Variants in GRXCR2 observed in about 807,000 individuals in gnomAD.
GRXCR2 encodes the protein glutaredoxin and cysteine rich domain containing 2.
A neutral mutation model predicts 24.8 loss-of-function variants in GRXCR2; 23 were observed. The observed-to-expected ratio is 0.93, with a 90% CI of 0.67 to 1.32. The LOEUF (loss-of-function observed/expected upper bound fraction) is 1.32. Among genes scored for constraint, GRXCR2 ranks in the 40% most tolerant of loss-of-function variants. The probability of loss-of-function intolerance (pLI) is 0.00; values close to 1 mark genes in which losing one functional copy is unlikely to be tolerated. For synonymous variants in GRXCR2, 130 were observed against 116.1 expected (o/e 1.12, Z -0.77); for missense variants, 315 against 303.4 (o/e 1.04, Z -0.28).
At chr5:145,921,733 A>G (rs2149928885) in intron 2 of GRXCR2, among the ~76,000 whole-genome samples, 1 of 152,306 alleles carries the variant, frequency 6.6e-6, no homozygotes, top group African/African-American at 2.4e-5. Flanking sequence ...TTTACCAGGA[A>G]CCTTCCAAAT....
chr5:145,864,300 A>G (rs930117359), intron 2 of GRXCR2, among the ~76,000 whole-genome samples: 1 of 152,156 alleles, frequency 6.6e-6, no homozygotes, highest in South Asian at 2.1e-4. Flanking sequence ...TCTGGGGCCA[A>G]GAGCATGAGA....
intron 2 of GRXCR2, among the ~76,000 whole-genome samples, chr5:145,887,405 G>A (rs1188527536): frequency 3.9e-5 from 6 of 152,330 alleles, no homozygotes; most frequent in East Asian, 1.9e-4. Flanking sequence ...GCTAGTCAAA[G>A]GTTCTTGATG....
chr5:145,876,660 T>C (rs879458223), upstream of GRXCR2, among the ~76,000 whole-genome samples: 10 of 152,144 alleles, frequency 6.6e-5, no homozygotes, highest in African/African-American at 9.7e-5. Flanking sequence ...AGGTGAGTTT[T>C]CCAAGTAACA....
In GRXCR2 at chr5:145,926,635, G is replaced by C. The variant is rs375732086; in HGVS notation, c.-70+9066C>G. 3.9e-5 allele frequency among the ~76,000 whole-genome samples: 6 copies of C among 152,272 alleles called. No homozygotes were observed. In the East Asian group the frequency reaches 1.2e-3, roughly 29 times the overall value. ...ATGCTGTTTTGGTTACTGTAGCCTTGTAGTATAGTTTGAAGTCAGGTAGTG... is the reference window on the plus strand; with the variant it reads ...ATGCTGTTTTGGTTACTGTAGCCTTCTAGTATAGTTTGAAGTCAGGTAGTG... On this transcript the variant is annotated intron_variant, in intron 2 of 3. Transcript: ENST00000639411.
chr5:145,897,629 C>T (rs1485142296), intron 2 of GRXCR2, among the ~76,000 whole-genome samples: 1 of 151,994 alleles, frequency 6.6e-6, no homozygotes. Flanking sequence ...ACACTCAGAC[C>T]ACAGTGGAAT....
chr5:145,869,003 G>T (rs1471078594), intron 1 of GRXCR2, among the ~76,000 whole-genome samples: 2 of 152,234 alleles, frequency 1.3e-5, no homozygotes, highest in African/African-American at 4.8e-5. Flanking sequence ...CTAGTGCACA[G>T]AATGGCAACC....
At chr5:145,913,926 A>G (rs1482115619) in intron 2 of GRXCR2, among the ~76,000 whole-genome samples, 1 of 152,256 alleles carries the variant, frequency 6.6e-6, no homozygotes, top group Non-Finnish European at 1.5e-5. Context: ...TCTATGTGTC[A>G]AACGCTATGA....
chr5:145,866,854 A>G (rs887955648), intron 1 of GRXCR2, 126 bp from the exon 2 acceptor site: 1 of 640,296 alleles, frequency 1.6e-6, no homozygotes, highest in Non-Finnish European at 2.8e-6. Context: ...TTTTGATCCC[A>G]TCAGACCCCA....
intron 2 of GRXCR2, among the ~76,000 whole-genome samples, chr5:145,885,333 C>T (rs906492381): frequency 6.6e-6 from 1 of 152,182 alleles, no homozygotes; most frequent in African/African-American, 2.4e-5. Flanking sequence ...GGCAACGTTT[C>T]AAGAGACTAT....
At chr5:145,907,619 G>A (rs141709555) in intron 2 of GRXCR2, among the ~76,000 whole-genome samples, 1 of 152,134 alleles carries the variant, frequency 6.6e-6, no homozygotes. Flanking sequence ...CAAGAGAGAG[G>A]GTGGTGACTC....
At chr5:145,921,726 A>G (rs1421507924) in intron 2 of GRXCR2, among the ~76,000 whole-genome samples, 4 of 152,224 alleles carry the variant, frequency 2.6e-5, no homozygotes, top group East Asian at 1.9e-4. Flanking sequence ...CTTGGGATTT[A>G]CCAGGAACCT....
chr5:145,881,759 A>C (rs1469339311), intron 2 of GRXCR2, among the ~76,000 whole-genome samples: 1 of 152,260 alleles, frequency 6.6e-6, no homozygotes, highest in Non-Finnish European at 1.5e-5. Flanking sequence ...ATGCTACCTG[A>C]CTTCAAACTA....
chr5:145,876,042 C>T (rs1316026769), upstream of GRXCR2, among the ~76,000 whole-genome samples: 1 of 151,474 alleles, frequency 6.6e-6, no homozygotes, highest in African/African-American at 2.4e-5. Context: ...TGGTGCTTGT[C>T]TGTAGTCCCA....
chr5:145,889,973 A>G (rs964533503), intron 2 of GRXCR2, among the ~76,000 whole-genome samples: 31 of 152,274 alleles, frequency 2.0e-4, no homozygotes, highest in Non-Finnish European at 5.9e-5. Flanking sequence ...GTTTCAAAAT[A>G]CAATTGAAAG....
At chr5:145,858,277 G>A (rs1756272367), downstream of GRXCR2, among the ~76,000 whole-genome samples, 1 of 142,164 alleles carries the variant, frequency 7.0e-6, no homozygotes, top group Admixed American at 7.7e-5. Context: ...TTGCACCACT[G>A]CACTCCAGCC....
intron 2 of GRXCR2, among the ~76,000 whole-genome samples, chr5:145,888,535 G>T (rs1756808183): frequency 6.6e-6 from 1 of 151,938 alleles, no homozygotes; most frequent in Admixed American, 6.6e-5. Context: ...CCAAGGTTTT[G>T]GCACATATGC....
chr5:145,900,086 G>T (rs547400066), intron 2 of GRXCR2, among the ~76,000 whole-genome samples: 1 of 152,080 alleles, frequency 6.6e-6, no homozygotes, highest in African/African-American at 2.4e-5. Flanking sequence ...ATTAAAAATG[G>T]GCAACAGATA....
At chr5:145,893,636 G>T (rs1034089564) in intron 2 of GRXCR2, among the ~76,000 whole-genome samples, 200 of 152,106 alleles carry the variant, frequency 1.3e-3, no homozygotes, top group Non-Finnish European at 2.3e-3. Flanking sequence ...CATAAAGCAA[G>T]TCCTGAGTGA....
At chr5:145,920,974 C>T (rs1013036439) in intron 2 of GRXCR2, among the ~76,000 whole-genome samples, 1 of 152,258 alleles carries the variant, frequency 6.6e-6, no homozygotes, top group Non-Finnish European at 1.5e-5. Context: ...TGTCAGCCCA[C>T]TGATCTTGGA....
Sources: allele counts gnomAD v4.1 joint callset (sites outside exome capture counted in the v4.1 genomes callset), GRCh38; gene constraint gnomAD v4.1.1; transcripts MANE v1.5; gene names NCBI Gene and HGNC (gene_info 2026-07-23, HGNC 2026-07-21).